Variants in CD86 observed in about 807,000 individuals in gnomAD.
The protein encoded by CD86 is T-lymphocyte activation antigen CD86.
CD86 carries 11 observed loss-of-function variants against 32.1 expected under a neutral mutation model. That is an observed-to-expected ratio of 0.34 (90% CI 0.22 to 0.57). The LOEUF (loss-of-function observed/expected upper bound fraction) is 0.57, where lower values mean the gene tolerates loss of function less well. CD86 is among the 20% of genes least tolerant of loss of function. The probability of loss-of-function intolerance (pLI) is 0.86; values close to 1 mark genes in which losing one functional copy is unlikely to be tolerated. For missense variants in CD86, 359 were observed against 398.4 expected (o/e 0.90, Z 0.84); for synonymous variants, 137 against 135.3 (o/e 1.01, Z -0.09).
intron 4 of CD86, among the ~76,000 whole-genome samples, chr3:122,106,993 A>C (rs1240458575): frequency 1.3e-5 from 2 of 152,168 alleles, no homozygotes; most frequent in Admixed American, 6.6e-5. Context: ...AGGACCTTCC[A>C]ATAGAATCAG....
chr3:122,065,133 A>G lies in CD86; in HGVS notation c.14+9630A>G, dbSNP rs546492900. ...TCTTAGTTACATAGCTGACAACACA[A>G]CCAGGATTCCAAATGCCAGTCTGAT... On this transcript the variant is annotated intron_variant, in intron 1 of 6. Transcript: ENST00000330540. Among the ~76,000 whole-genome samples the G allele has an allele frequency of 2.6e-5, 4 of 152,270 alleles. No individual in the cohort carries two copies. In the South Asian group the frequency reaches 6.2e-4, roughly 24 times the overall value.
chr3:122,104,638 CT>C (rs2073063315), intron 3 of CD86, among the ~76,000 whole-genome samples: 1 of 152,164 alleles, frequency 6.6e-6, no homozygotes, highest in African/African-American at 2.4e-5. Flanking sequence ...ACTCATAACC[CT>C]TGTTGGGCAT....
intron 1 of CD86, among the ~76,000 whole-genome samples, chr3:122,077,491 T>C (rs1043111420): frequency 1.3e-5 from 2 of 152,160 alleles, no homozygotes; most frequent in African/African-American, 4.8e-5. Context: ...GGGGAAGGGC[T>C]AGAAGTGAAG....
At chr3:122,059,057 C>CA (rs1165776138) in intron 1 of CD86, among the ~76,000 whole-genome samples, 2 of 152,054 alleles carry the variant, frequency 1.3e-5, no homozygotes, top group Non-Finnish European at 2.9e-5. Context: ...AGAGAAAAGA[C>CA]AGATGGTGAA....
chr3:122,091,159 G>T (rs1417450713), intron 1 of CD86, among the ~76,000 whole-genome samples: 1 of 152,190 alleles, frequency 6.6e-6, no homozygotes, highest in East Asian at 1.9e-4. Flanking sequence ...ACAATCCATT[G>T]TAGATCAGTT....
At chr3:122,105,649 A>G (rs1050200642) in intron 3 of CD86, among the ~76,000 whole-genome samples, 4 of 152,144 alleles carry the variant, frequency 2.6e-5, no homozygotes, top group Admixed American at 2.6e-4. Flanking sequence ...AGACACTTTG[A>G]TGCTCATGCC....
intron 1 of CD86, among the ~76,000 whole-genome samples, chr3:122,060,572 G>A (rs995765683): frequency 2.0e-5 from 3 of 152,040 alleles, no homozygotes; most frequent in South Asian, 2.1e-4. Context: ...GGCTTGAGGC[G>A]AGGAGTTCCG....
intron 2 of CD86, among the ~76,000 whole-genome samples, chr3:122,094,125 C>A (rs534261197): frequency 1.3e-5 from 2 of 152,290 alleles, no homozygotes; most frequent in East Asian, 3.9e-4. Flanking sequence ...AAGTGACCAG[C>A]CCAGCTCTCA....
At chr3:122,103,946 G>A in intron 3 of CD86, 99 bp downstream of exon 3, 1 of 936,992 alleles carries the variant, frequency 1.1e-6, no homozygotes, top group South Asian at 1.6e-5. Context: ...GGGCCCAGGG[G>A]AAAAGGGGGG....
At chr3:122,077,732 C>T in intron 1 of CD86, 1 of 984,242 alleles carries the variant, frequency 1.0e-6, no homozygotes, top group South Asian at 4.7e-5. Flanking sequence ...CACTCATGCT[C>T]CGAGGGTACG....
intron 1 of CD86, among the ~76,000 whole-genome samples, chr3:122,076,310 C>A (rs1473053962): frequency 6.6e-6 from 1 of 152,052 alleles, no homozygotes. Context: ...TTTAGCCTGT[C>A]TTATATTTGG....
chr3:122,064,556 G>A (rs1018669848), intron 1 of CD86, among the ~76,000 whole-genome samples: 1 of 152,118 alleles, frequency 6.6e-6, no homozygotes, highest in African/African-American at 2.4e-5. Context: ...CCACAGGCGA[G>A]CCCCATTTCA....
chr3:122,113,380 G>A (rs1462828729), intron 5 of CD86, among the ~76,000 whole-genome samples: 1 of 152,162 alleles, frequency 6.6e-6, no homozygotes, highest in African/African-American at 2.4e-5. Context: ...TAGTAGGATT[G>A]CTGAATTAAA....
intron 1 of CD86, among the ~76,000 whole-genome samples, chr3:122,060,778 C>G (rs1393514572): frequency 6.6e-6 from 1 of 152,100 alleles, no homozygotes; most frequent in African/African-American, 2.4e-5. Flanking sequence ...ACATAACATA[C>G]AGATTCTATT....
intron 2 of CD86, among the ~76,000 whole-genome samples, chr3:122,094,237 A>C (rs2072872603): frequency 6.6e-6 from 1 of 152,252 alleles, no homozygotes; most frequent in Admixed American, 6.5e-5. Flanking sequence ...CCGCACACTG[A>C]AAGTGAGAAA....
chr3:122,067,687 G>C (rs976423848), intron 1 of CD86, among the ~76,000 whole-genome samples: 1 of 152,162 alleles, frequency 6.6e-6, no homozygotes, highest in Non-Finnish European at 1.5e-5. Context: ...TAAAACTGTA[G>C]CCAGCTAGTG....
In CD86 at chr3:122,120,985, T is replaced by C. The variant is rs2073336515; in HGVS notation, c.*1451T>C. 3 of 152,218 alleles carry C rather than the reference T, an allele frequency of 2.0e-5. No homozygotes were observed. The highest frequency in any genetic ancestry group is 2.0e-4 in the Admixed American group (3 of 15,284). 9.4% of individuals were successfully genotyped at this position (152,218 alleles called of 1,614,324 possible). ...ATGTTCCTTTATTTTATGTAAACCC[T>C]CAAGGGTTATAGACTGCCATGCTAG... On this transcript the variant is annotated 3_prime_UTR_variant, in exon 7 of 7. Coordinates refer to ENST00000330540, the MANE Select transcript of CD86 (RefSeq NM_175862.5).
Position 122,119,789 on chromosome 3 carries a change from TCATGAC to T in CD86, c.*257_*262del. On this transcript the variant is annotated 3_prime_UTR_variant, in exon 7 of 7. Coordinates refer to ENST00000330540, the MANE Select transcript of CD86 (RefSeq NM_175862.5). Reference sequence around the variant, plus strand: ...TATGGGCCAAGCCCAGCTTAATGGCTCATGACCTGGAAATAAAATTTAGGACCAATA... The same window carrying T: ...TATGGGCCAAGCCCAGCTTAATGGCTCTGGAAATAAAATTTAGGACCAATA... 1 of 320,976 alleles carries T rather than the reference TCATGAC, an allele frequency of 3.1e-6. No homozygotes were observed. Among genetic ancestry groups the T allele is most frequent in the African/African-American group, 2.1e-5 (1 of 46,618 alleles). The allele number at this position is 320,976 out of a possible 1,614,324, so 19.9% of individuals were successfully genotyped here.
At chr3:122,107,241 G>A (rs2073106515) in intron 4 of CD86, among the ~76,000 whole-genome samples, 1 of 152,120 alleles carries the variant, frequency 6.6e-6, no homozygotes, top group Admixed American at 6.5e-5. Flanking sequence ...AGGAGGGGAG[G>A]GCATTCTGGA....
Sources: gnomAD v4.1 joint callset for allele counts (sites outside exome capture counted in the v4.1 genomes callset) on GRCh38, gnomAD v4.1.1 for gene constraint, MANE v1.5 for transcripts, NCBI Gene and HGNC (gene_info 2026-07-23, HGNC 2026-07-21) for gene names.